The following ANKRD11 variants were observed in gnomAD, a reference collection of about 807,000 sequenced individuals.
ANKRD11 encodes ankyrin repeat domain 11.
A neutral mutation model predicts 195.7 loss-of-function variants in ANKRD11; 17 were observed. The ratio of observed to expected loss-of-function variants is 0.09; its 90% CI spans 0.06 to 0.13. ANKRD11 has a LOEUF of 0.13. Among genes scored for constraint, ANKRD11 ranks in the 10% least tolerant of loss-of-function variants. The pLI is 1.00. For synonymous variants in ANKRD11, 1,953 were observed against 1,528.1 expected (o/e 1.28, Z -6.49); for missense variants, 3,735 against 3,566.1 (o/e 1.05, Z -1.21).
chr16:89,448,938 C>T (rs2043931532), intron 1 of ANKRD11, among the ~76,000 whole-genome samples: 1 of 152,190 alleles, frequency 6.6e-6, no homozygotes, highest in South Asian at 2.1e-4. Flanking sequence ...GTTTTACTTG[C>T]CCATATCACC....
chr16:89,421,529 T>G (rs1311875328), intron 1 of ANKRD11, among the ~76,000 whole-genome samples: 6 of 102,714 alleles, frequency 5.8e-5, no homozygotes, highest in Admixed American at 3.7e-4. Flanking sequence ...GGTGACGGAG[T>G]CAGGGATGGG....
intron 2 of ANKRD11, among the ~76,000 whole-genome samples, chr16:89,400,922 C>T (rs2041654916): frequency 2.0e-5 from 3 of 152,296 alleles, no homozygotes; most frequent in South Asian, 4.1e-4. Flanking sequence ...CACCCTCTCA[C>T]AGGCTCCACC....
At chr16:89,324,121 C>T (rs558951203) in intron 2 of ANKRD11, 9 of 713,000 alleles carry the variant, frequency 1.3e-5, no homozygotes, top group Non-Finnish European at 1.7e-5. Context: ...AAGTGCCCCA[C>T]GGCACAACGC....
At chr16:89,290,489 G>A in intron 6 of ANKRD11, 136 bp downstream of exon 6, 1 of 221,780 alleles carries the variant, frequency 4.5e-6, no homozygotes, top group African/African-American at 5.0e-5. Flanking sequence ...GAGGCTCAGG[G>A]CTCCAATGGG....
At chr16:89,426,529 T>TCACACACACACA (rs55664494) in intron 1 of ANKRD11, among the ~76,000 whole-genome samples, 2,522 of 142,288 alleles carry the variant, frequency 0.018, 95 homozygotes, top group East Asian at 0.11. Context: ...CACTTAAACA[T>TCACACACACACA]CACACACACA....
At chr16:89,375,266 A>G (rs1357679401) in intron 2 of ANKRD11, among the ~76,000 whole-genome samples, 2 of 152,176 alleles carry the variant, frequency 1.3e-5, no homozygotes, top group Non-Finnish European at 2.9e-5. Flanking sequence ...TGGTCTCTCC[A>G]GAAATTGTGT....
At chr16:89,391,567 T>C (rs958972882) in intron 2 of ANKRD11, among the ~76,000 whole-genome samples, 10 of 152,118 alleles carry the variant, frequency 6.6e-5, no homozygotes, top group African/African-American at 2.2e-4. Context: ...AAAGGAAAAA[T>C]CTGAGTTTTC....
chr16:89,270,678 G>T (rs528339971), intron 12 of ANKRD11, 139 bp downstream of exon 12: 1 of 845,558 alleles, frequency 1.2e-6, no homozygotes. Context: ...CAGATTAAGA[G>T]AATCTGAAAT....
At chr16:89,346,012 C>G (rs956090485) in intron 2 of ANKRD11, among the ~76,000 whole-genome samples, 4 of 151,904 alleles carry the variant, frequency 2.6e-5, no homozygotes, top group Non-Finnish European at 5.9e-5. Flanking sequence ...GAGGCCAAAG[C>G]AGGCGGATCA....
chr16:89,358,877 G>C (rs1258958562), intron 2 of ANKRD11, among the ~76,000 whole-genome samples: 1 of 152,010 alleles, frequency 6.6e-6, no homozygotes, highest in African/African-American at 2.4e-5. Flanking sequence ...CCAGGCTGGA[G>C]CGCAGTGGTG....
chr16:89,415,457 G>A (rs1309352591), intron 2 of ANKRD11, among the ~76,000 whole-genome samples: 2 of 147,090 alleles, frequency 1.4e-5, no homozygotes, highest in Non-Finnish European at 3.0e-5. Context: ...GTAGAGACGG[G>A]GTTTCACCGT....
rs75992891 is a variant in ANKRD11 at position 89,397,484 on chromosome 16, C to T, written c.-60+20800G>A. ...GGACCCACAGGAAGCAGGCCTTCCCCGTGGCGGGCCTTGCTGCTATCCGCG... is the reference window on the plus strand; with the variant it reads ...GGACCCACAGGAAGCAGGCCTTCCCTGTGGCGGGCCTTGCTGCTATCCGCG... On this transcript the variant is annotated intron_variant, in intron 2 of 12. Coordinates refer to ENST00000301030, the MANE Select transcript of ANKRD11 (RefSeq NM_013275.6). Among the ~76,000 whole-genome samples, 421 of 152,372 alleles carry T rather than the reference C, an allele frequency of 2.8e-3. 3 individuals carry two copies. The highest frequency in any genetic ancestry group is 9.7e-3 in the African/African-American group (403 of 41,586).
chr16:89,280,686 G>C lies in ANKRD11; in HGVS notation c.5856C>G (p.His1952Gln), dbSNP rs556725847. 2 of 1,613,366 alleles carry C rather than the reference G, an allele frequency of 1.2e-6. No homozygotes were observed. Among genetic ancestry groups the C allele is most frequent in the African/African-American group, 1.3e-5 (1 of 75,048 alleles). ...TAGAGGCAAGCGCCTGCTCGGAGGG[G>C]TGGGCCCACTCAACGGGCTCCTCGG... is the stretch of plus-strand genomic sequence containing the variant. ...VITEEPVEWA[H>Q]PSEQALASSL... The change falls in exon 9 of 13, where the codon CAC becomes CAG. Residue 1952 changes from histidine to glutamine, a missense_variant. By Grantham distance (24) the His-to-Gln change is conservative. Coordinates refer to ENST00000301030, the MANE Select transcript of ANKRD11 (RefSeq NM_013275.6).
At position 89,316,822 on chromosome 16, in the gene ANKRD11, G is replaced by T. The variant is rs956148168; in HGVS notation, c.87+111C>A. The T allele has an allele frequency of 8.3e-6, 11 of 1,323,042 alleles. No individual in the cohort carries two copies. The African/African-American group carries it at 1.3e-4, about 16-fold the overall frequency. 82.0% of individuals were successfully genotyped at this position (1,323,042 alleles called of 1,614,324 possible). A position where few individuals can be genotyped will look rare whatever the true frequency, so the allele number is the denominator to read the frequency against. Reference sequence around the variant, plus strand: ...CACTCCTGGCTGCAGACAGAGGCACGAGGAAAGGGCCGGAGGGCGGAGAAC... The same window carrying T: ...CACTCCTGGCTGCAGACAGAGGCACTAGGAAAGGGCCGGAGGGCGGAGAAC... On this transcript the variant is annotated intron_variant, in intron 3 of 12. Transcript: ENST00000301030.
chr16:89,407,328 G>A (rs1294056972), intron 2 of ANKRD11, among the ~76,000 whole-genome samples: 1 of 152,054 alleles, frequency 6.6e-6, no homozygotes, highest in African/African-American at 2.4e-5. Flanking sequence ...AAATTAAAAG[G>A]AAAAGATGAA....
At chr16:89,369,241 G>A (rs1171043974) in intron 2 of ANKRD11, among the ~76,000 whole-genome samples, 2 of 152,002 alleles carry the variant, frequency 1.3e-5, no homozygotes, top group African/African-American at 4.8e-5. Flanking sequence ...AAAAGGCAGT[G>A]CAGCGACCTA....
At chr16:89,396,847 C>T (rs763397865) in intron 2 of ANKRD11, among the ~76,000 whole-genome samples, 8 of 152,078 alleles carry the variant, frequency 5.3e-5, no homozygotes, top group South Asian at 2.1e-4. Context: ...CCACCACACC[C>T]GGCTAATTTT....
rs910616051 is a variant in ANKRD11 at position 89,283,070 on chromosome 16, C to T, written c.3472G>A (p.Ala1158Thr). The change falls in exon 9 of 13, where the codon GCC becomes ACC. Residue 1158 changes from alanine (A) to threonine (T), a missense_variant. Coordinates refer to ENST00000301030, the MANE Select transcript of ANKRD11 (RefSeq NM_013275.6). This position sits in a 1 kb window ranked among gnomAD's most constrained non-coding sequence, Gnocchi z 4.3. ...GLQEKEEGRE[A>T]YASDRHRKSS... Reference sequence around the variant, plus strand: ...TTCCTGTGTCTGTCGGAGGCATAGGCCTCCCGTCCTTCCTCCTTCTCCTGG... The same window carrying T: ...TTCCTGTGTCTGTCGGAGGCATAGGTCTCCCGTCCTTCCTCCTTCTCCTGG... The T allele has an allele frequency of 1.2e-6, 2 of 1,614,038 alleles. No individual in the cohort carries two copies. The highest frequency in any genetic ancestry group is 1.3e-5 in the African/African-American group (1 of 75,048).
At chr16:89,402,262 G>T (rs1027462055) in intron 2 of ANKRD11, among the ~76,000 whole-genome samples, 1 of 152,152 alleles carries the variant, frequency 6.6e-6, no homozygotes, top group African/African-American at 2.4e-5. Context: ...TACACGTGAC[G>T]TACGCCAGTT....
Sources: allele counts gnomAD v4.1 joint callset (sites outside exome capture counted in the v4.1 genomes callset), GRCh38; gene constraint gnomAD v4.1.1; non-coding constraint Gnocchi (gnomAD v3.1); transcripts MANE v1.5; gene names NCBI Gene and HGNC (gene_info 2026-07-23, HGNC 2026-07-21).